Variants in PDCD2L observed in about 807,000 individuals in gnomAD.
PDCD2L encodes uS5 assembly chaperone PDCD2L.
In PDCD2L, 44 loss-of-function variants were observed where a neutral mutation model predicts 40.4. The ratio of observed to expected loss-of-function variants is 1.09; its 90% CI spans 0.86 to 1.40. The LOEUF (loss-of-function observed/expected upper bound fraction) is 1.40, where lower values mean the gene tolerates loss of function less well. Ranked by LOEUF, PDCD2L falls within the 40% of genes most tolerant of loss-of-function variation. The probability of loss-of-function intolerance (pLI) is 0.00; values close to 1 mark genes in which losing one functional copy is unlikely to be tolerated. For missense variants in PDCD2L, 470 were observed against 453.7 expected (o/e 1.04, Z -0.33); for synonymous variants, 194 against 174.6 (o/e 1.11, Z -0.88).
At chr19:34,415,261 G>C (rs562913888) in intron 5 of PDCD2L, among the ~76,000 whole-genome samples, 2 of 152,020 alleles carry the variant, frequency 1.3e-5, no homozygotes, top group African/African-American at 4.8e-5. Flanking sequence ...TAGGATTACA[G>C]CGCCACCACG....
chr19:34,424,466 T>C (rs2075166757), intron 6 of PDCD2L, among the ~76,000 whole-genome samples: 1 of 152,022 alleles, frequency 6.6e-6, no homozygotes, highest in Non-Finnish European at 1.5e-5. Flanking sequence ...AGGAAGTAAA[T>C]ATAGTTGGAA....
chr19:34,423,375 G>T (rs1273732031), intron 6 of PDCD2L, among the ~76,000 whole-genome samples: 1 of 150,526 alleles, frequency 6.6e-6, no homozygotes, highest in African/African-American at 2.4e-5. Context: ...GTAGAAACAG[G>T]TTTCACTGTT....
At chr19:34,411,018 C>T (rs143004691) in intron 4 of PDCD2L, among the ~76,000 whole-genome samples, 3,548 of 151,554 alleles carry the variant, frequency 0.023, 142 homozygotes, top group African/African-American at 0.081. Flanking sequence ...CTCTTGACCT[C>T]GTGATCCACC....
intron 5 of PDCD2L, among the ~76,000 whole-genome samples, chr19:34,414,437 AAAGTTCTGAGATAC>A (rs2075117989): frequency 7.0e-6 from 1 of 143,062 alleles, no homozygotes; most frequent in African/African-American, 2.6e-5. Context: ...TCAGCCTCCC[AAAGTTCTGAGATAC>A]AAGTGTGAGC....
At chr19:34,415,147 G>C (rs555067255) in intron 5 of PDCD2L, among the ~76,000 whole-genome samples, 2 of 152,064 alleles carry the variant, frequency 1.3e-5, no homozygotes, top group South Asian at 4.2e-4. Context: ...CTGGGATGGA[G>C]TCTCGCCCTG....
chr19:34,411,326 C>G (rs904005493), intron 4 of PDCD2L, among the ~76,000 whole-genome samples: 3 of 149,670 alleles, frequency 2.0e-5, no homozygotes, highest in Non-Finnish European at 4.4e-5. Context: ...TGCAACCTCT[C>G]CCTCGCCGGC....
chr19:34,411,963 C>T (rs375664039), intron 4 of PDCD2L, among the ~76,000 whole-genome samples: 2 of 137,660 alleles, frequency 1.5e-5, no homozygotes, highest in Non-Finnish European at 3.1e-5. Flanking sequence ...ATGAAAAATA[C>T]ATATATATAT....
intron 3 of PDCD2L, among the ~76,000 whole-genome samples, chr19:34,405,472 T>C (rs1157984113): frequency 6.6e-6 from 1 of 151,746 alleles, no homozygotes; most frequent in African/African-American, 2.4e-5. Flanking sequence ...GAGAGTTTTT[T>C]TTTTCTTCTA....
chr19:34,420,469 C>T (rs80296376), intron 5 of PDCD2L, among the ~76,000 whole-genome samples: 14,263 of 151,666 alleles, frequency 0.094, 1,071 homozygotes, highest in African/African-American at 0.21. Flanking sequence ...AATGATTTAC[C>T]AGAAATTACA....
In PDCD2L at chr19:34,404,404, G is replaced by A. The variant is rs894816250; in HGVS notation, c.-27G>A. 2.6e-6 allele frequency: 4 copies of A among 1,531,582 alleles called. No homozygotes were observed. In the East Asian group the frequency reaches 9.8e-5, roughly 38 times the overall value. 94.9% of individuals were successfully genotyped at this position (1,531,582 alleles called of 1,614,324 possible). On this transcript the variant is annotated 5_prime_UTR_variant, in exon 1 of 7. Transcript: ENST00000246535. The stretch of plus-strand genomic sequence containing the variant: ...GTGCGCAGAGAGGCCGCCGTAGTTT[G>A]CGTTTTCACCTGGTCGCCCGGCGGC...
In PDCD2L at chr19:34,404,843, C is replaced by T. The variant is rs114822664; in HGVS notation, c.275+28C>T. On this transcript the variant is annotated intron_variant, in intron 2 of 6. Transcript: ENST00000246535. The stretch of plus-strand genomic sequence containing the variant: ...AGGCGGGGAAGTCCCAGAGCTGCTC[C>T]AGGGGTGTCCTTTCCAGCGGGCTGG... The T allele has an allele frequency of 6.7e-4, 1,080 of 1,605,122 alleles. 5 individuals carry two copies. The African/African-American group carries it at 0.013, about 19-fold the overall frequency.
chr19:34,425,354 A>C (rs1316750933), intron 6 of PDCD2L, among the ~76,000 whole-genome samples: 2 of 146,902 alleles, frequency 1.4e-5, no homozygotes, highest in Non-Finnish European at 3.0e-5. Context: ...GGGCCAGAGT[A>C]CGGTGGTGCA....
intron 5 of PDCD2L, among the ~76,000 whole-genome samples, chr19:34,416,386 C>T (rs2075126585): frequency 6.6e-6 from 1 of 152,144 alleles, no homozygotes. Context: ...AGCAACATTC[C>T]TTTGTTCCAT....
At chr19:34,421,988 T>C (rs2075153726) in intron 6 of PDCD2L, 1 of 169,788 alleles carries the variant, frequency 5.9e-6, no homozygotes, top group Non-Finnish European at 1.3e-5. Flanking sequence ...CTTGGGAGGT[T>C]GAGGCAGGGA....
intron 3 of PDCD2L, among the ~76,000 whole-genome samples, chr19:34,407,532 G>C (rs1459049454): frequency 1.3e-5 from 2 of 151,872 alleles, no homozygotes. Context: ...ATTTGTCTTT[G>C]TGTCTGGCTT....
At chr19:34,404,892 G>A in intron 2 of PDCD2L, 38 bp from the exon 3 acceptor site, 5 of 1,612,768 alleles carry the variant, frequency 3.1e-6, no homozygotes, top group Non-Finnish European at 4.2e-6. Context: ...GCTGGAGTCG[G>A]GGTGCAGCCC....
At chr19:34,420,741 G>A (rs2075146797) in intron 5 of PDCD2L, among the ~76,000 whole-genome samples, 1 of 151,426 alleles carries the variant, frequency 6.6e-6, no homozygotes, top group Non-Finnish European at 1.5e-5. Flanking sequence ...GCAGTGAGCT[G>A]TGATTGTGCC....
chr19:34,415,864 G>A (rs1274987717), intron 5 of PDCD2L, among the ~76,000 whole-genome samples: 1 of 152,182 alleles, frequency 6.6e-6, no homozygotes, highest in African/African-American at 2.4e-5. Context: ...TTAAGTGCAA[G>A]TTCTAATTCC....
intron 5 of PDCD2L, among the ~76,000 whole-genome samples, chr19:34,417,965 T>C (rs1049163536): frequency 1.3e-5 from 2 of 152,232 alleles, no homozygotes; most frequent in Non-Finnish European, 2.9e-5. Flanking sequence ...GTCTTTTAAA[T>C]GTAGCCATTC....
Sources: gnomAD v4.1 joint callset for allele counts (sites outside exome capture counted in the v4.1 genomes callset) on GRCh38, gnomAD v4.1.1 for gene constraint, MANE v1.5 for transcripts, NCBI Gene and HGNC (gene_info 2026-07-23, HGNC 2026-07-21) for gene names.